Variants in ACTG2 observed in about 807,000 individuals in gnomAD.
ACTG2 encodes actin, gamma-enteric smooth muscle.
Under a neutral mutation model 37.6 loss-of-function variants are expected in ACTG2, and 16 were observed. The ratio of observed to expected loss-of-function variants is 0.43; its 90% CI spans 0.29 to 0.65. The LOEUF is 0.65. Among genes scored for constraint, ACTG2 ranks in the 30% least tolerant of loss-of-function variants. ACTG2 has a pLI of 0.18. For missense variants in ACTG2, 238 were observed against 490.9 expected, an observed-to-expected ratio of 0.48 and a Z score of 4.87; for synonymous variants, 181 against 179.9, an observed-to-expected ratio of 1.01 and a Z score of -0.05.
chr2:73,908,821 T>A, intron 4 of ACTG2, 38 bp downstream of exon 4: 3 of 1,525,010 alleles, frequency 2.0e-6, no homozygotes, highest in Non-Finnish European at 2.7e-6. Context: ...GGCATAAGAA[T>A]GCAACATGGA....
At chr2:73,914,988 C>A (rs1161321697) in intron 7 of ACTG2, 117 bp downstream of exon 7, 2 of 886,262 alleles carry the variant, frequency 2.3e-6, no homozygotes, top group Non-Finnish European at 3.1e-6. Flanking sequence ...ATACACGTAC[C>A]TCACATTTTC....
At chr2:73,898,799 T>C (rs534500670) in intron 1 of ACTG2, among the ~76,000 whole-genome samples, 86 of 147,436 alleles carry the variant, frequency 5.8e-4, no homozygotes, top group African/African-American at 2.1e-3. Context: ...TTCTTTTTTT[T>C]TTCTTTTTTT....
intron 8 of ACTG2, among the ~76,000 whole-genome samples, chr2:73,917,030 A>T (rs1050857139): frequency 2.0e-5 from 3 of 152,156 alleles, no homozygotes; most frequent in African/African-American, 7.2e-5. Context: ...TGAGAATATT[A>T]TCCAGGTGTA....
chr2:73,911,352 C>T (rs1272143973), intron 5 of ACTG2, among the ~76,000 whole-genome samples: 6 of 151,866 alleles, frequency 4.0e-5, no homozygotes, highest in African/African-American at 1.2e-4. Context: ...AAAAGTTAGC[C>T]GGGCATTGGT....
In ACTG2 at chr2:73,901,292, C is replaced by G. The variant is rs747221259; in HGVS notation, c.-20C>G. The G allele has an allele frequency of 6.4e-7, 1 of 1,555,582 alleles. No individual in the cohort carries two copies. Among genetic ancestry groups the G allele is most frequent in the Admixed American group, 1.8e-5 (1 of 54,156 alleles). On this transcript the variant is annotated 5_prime_UTR_variant, in exon 2 of 9. Transcript: ENST00000345517. ...AATCCCAAGGTGCTCCAGTCCCCAG[C>G]TCACTCAGCCACACACACCATGTGT...
intron 2 of ACTG2, among the ~76,000 whole-genome samples, chr2:73,901,962 G>T (rs778070570): frequency 1.2e-4 from 18 of 151,566 alleles, no homozygotes; most frequent in Non-Finnish European, 1.5e-4. Context: ...GGAGAGAATA[G>T]CAAAGATTTG....
chr2:73,913,686 C>T lies in ACTG2; in HGVS notation c.613+40C>T, dbSNP rs113601024. ...TTCTGATTCTGACTGGAGCTCAGAA[C>T]CAATCTGGTTTAGGACAAGAAGTTC... On this transcript the variant is annotated intron_variant, in intron 6 of 8. Coordinates refer to ENST00000345517, the MANE Select transcript of ACTG2 (RefSeq NM_001615.4). 28 of 1,551,572 alleles carry T rather than the reference C, an allele frequency of 1.8e-5. No homozygotes were observed. The African/African-American group carries it at 2.4e-4, about 14-fold the overall frequency.
chr2:73,916,162 G>T (rs568754299), intron 7 of ACTG2, among the ~76,000 whole-genome samples: 12 of 152,234 alleles, frequency 7.9e-5, no homozygotes, highest in African/African-American at 2.9e-4. Context: ...TGGATCACAA[G>T]GTCAGGAGAT....
At chr2:73,904,514 T>G (rs1232414559) in intron 3 of ACTG2, among the ~76,000 whole-genome samples, 1 of 151,290 alleles carries the variant, frequency 6.6e-6, no homozygotes, top group East Asian at 1.9e-4. Flanking sequence ...AATAATTAGC[T>G]GGATGTGGTG....
chr2:73,913,381 TA>T, intron 5 of ACTG2, 103 bp from the exon 6 acceptor site: 1 of 1,093,140 alleles, frequency 9.1e-7, no homozygotes. Context: ...TCTTAACTGG[TA>T]AAGGAAAATA....
At chr2:73,893,682 T>C (rs1305412792) in intron 1 of ACTG2, among the ~76,000 whole-genome samples, 1 of 152,122 alleles carries the variant, frequency 6.6e-6, no homozygotes, top group African/African-American at 2.4e-5. Flanking sequence ...TAGAAGGAAC[T>C]TGGGACCCAT....
chr2:73,911,213 G>C (rs1253537220), intron 5 of ACTG2, among the ~76,000 whole-genome samples: 3 of 152,204 alleles, frequency 2.0e-5, no homozygotes, highest in Non-Finnish European at 4.4e-5. Flanking sequence ...TAGTATAAGA[G>C]CTGGGTGCAG....
In ACTG2 at chr2:73,901,447, C is replaced by T. The variant is rs201108131; in HGVS notation, c.126+10C>T. 5.6e-5 allele frequency: 90 copies of T among 1,613,560 alleles called. No individual in the cohort carries two copies. Among genetic ancestry groups the T allele is most frequent in the Non-Finnish European group, 7.5e-5 (88 of 1,179,862 alleles). ...CCGCCCTCGCCACCAGGTGCGTGCTCATCTGGATACCACCAGGCTTTGAGC... is the reference window on the plus strand; with the variant it reads ...CCGCCCTCGCCACCAGGTGCGTGCTTATCTGGATACCACCAGGCTTTGAGC... On this transcript the variant is annotated intron_variant, in intron 2 of 8. Coordinates refer to ENST00000345517, the MANE Select transcript of ACTG2 (RefSeq NM_001615.4).
At chr2:73,904,777 G>GTATATA (rs199782884) in intron 3 of ACTG2, among the ~76,000 whole-genome samples, 244 of 42,548 alleles carry the variant, frequency 5.7e-3, no homozygotes, top group Middle Eastern at 0.012. Flanking sequence ...GTGTGTGTGT[G>GTATATA]TATATATATA....
At chr2:73,901,733 C>A in intron 2 of ACTG2, 1 of 395,472 alleles carries the variant, frequency 2.5e-6, no homozygotes, top group Non-Finnish European at 4.3e-6. Context: ...CACAATGACA[C>A]TACTATGTCT....
chr2:73,906,696 T>G (rs889658126), intron 3 of ACTG2, among the ~76,000 whole-genome samples: 2 of 152,098 alleles, frequency 1.3e-5, no homozygotes, highest in Non-Finnish European at 2.9e-5. Flanking sequence ...CAGGCTGGTC[T>G]CCAACCCCTG....
At chr2:73,914,152 G>A (rs979017439) in intron 6 of ACTG2, among the ~76,000 whole-genome samples, 13 of 152,204 alleles carry the variant, frequency 8.5e-5, no homozygotes, top group African/African-American at 2.9e-4. Context: ...TCCTGCATGG[G>A]AATCAAGACT....
In ACTG2 at chr2:73,902,467, C is replaced by A. The variant is rs1367998179; in HGVS notation, c.234C>A (p.Thr78=). The change falls in exon 3 of 9, where the codon ACC becomes ACA. Residue 78 remains threonine (T), a synonymous_variant. Coordinates refer to ENST00000345517, the MANE Select transcript of ACTG2 (RefSeq NM_001615.4). ...LKYPIEHGII[T]NWDDMEKIWH... is the part of the protein sequence containing the mutation. ...ACCCCATTGAACACGGCATCATCAC[C>A]AACTGGGATGACATGGAGAAGGTAT... 6 of 1,614,068 alleles carry A rather than the reference C, an allele frequency of 3.7e-6. No homozygotes were observed. Among genetic ancestry groups the A allele is most frequent in the Non-Finnish European group, 5.1e-6 (6 of 1,180,020 alleles).
Position 73,906,408 on chromosome 2 carries a change from G to C in ACTG2, c.256-2265G>C, listed in dbSNP as rs1377104297. Among the ~76,000 whole-genome samples, 5 of 151,962 alleles carry C rather than the reference G, an allele frequency of 3.3e-5. No homozygotes were observed. In the East Asian group the frequency reaches 9.6e-4, roughly 29 times the overall value. On this transcript the variant is annotated intron_variant, in intron 3 of 8. Coordinates refer to ENST00000345517, the MANE Select transcript of ACTG2 (RefSeq NM_001615.4). ...GGAGCTTGCAGTGAGCCGAGATGGC[G>C]CCACTGTACTCCAGCCTGGGCGACA...
Sources: allele counts gnomAD v4.1 joint callset (sites outside exome capture counted in the v4.1 genomes callset), GRCh38; gene constraint gnomAD v4.1.1; transcripts MANE v1.5; gene names NCBI Gene and HGNC (gene_info 2026-07-23, HGNC 2026-07-21).